Variants in CDH20 observed in about 807,000 individuals in gnomAD.
CDH20 encodes the protein cadherin 20.
In CDH20, 29 loss-of-function variants were observed where a neutral mutation model predicts 74.2. The observed-to-expected ratio is 0.39, with a 90% CI of 0.29 to 0.53. The LOEUF is 0.53. CDH20 is among the 20% of genes least tolerant of loss of function. CDH20 has a pLI of 0.69. For synonymous variants in CDH20, 469 were observed against 405.4 expected (o/e 1.16, Z -1.88); for missense variants, 988 against 1,048.3 (o/e 0.94, Z 0.79).
In CDH20 at chr18:61,555,333, G is replaced by GT. The variant is rs534504480; in HGVS notation, c.*639dup. On this transcript the variant is annotated 3_prime_UTR_variant, in exon 12 of 12. Transcript: ENST00000262717. ...GACATTGACTTTATGCTCAAGTTTA[G>GT]TGGCTGAACCAAGAGATGTTGGCAT... The GT allele has an allele frequency of 5.0e-4, 488 of 985,586 alleles. No individual in the cohort carries two copies. Among genetic ancestry groups the GT allele is most frequent in the Middle Eastern group, 2.6e-3 (5 of 1,912 alleles). 61.1% of individuals were successfully genotyped at this position (985,586 alleles called of 1,614,324 possible). A position where few individuals can be genotyped will look rare whatever the true frequency, so the allele number is the denominator to read the frequency against.
chr18:61,448,326 T>C (rs191727982), intron 1 of CDH20, among the ~76,000 whole-genome samples: 1 of 152,300 alleles, frequency 6.6e-6, no homozygotes, highest in African/African-American at 2.4e-5. Context: ...GCTTTCCCCA[T>C]CTATTAGATA....
At chr18:61,524,343 C>T (rs193209292) in intron 6 of CDH20, among the ~76,000 whole-genome samples, 18 of 152,250 alleles carry the variant, frequency 1.2e-4, no homozygotes, top group Admixed American at 1.2e-3. Flanking sequence ...TCATATACTC[C>T]TGGTGGGAAT....
At chr18:61,531,746 C>T (rs897344890) in intron 7 of CDH20, among the ~76,000 whole-genome samples, 2 of 152,096 alleles carry the variant, frequency 1.3e-5, no homozygotes, top group African/African-American at 4.8e-5. Flanking sequence ...GGGGTGGTTT[C>T]CCCCATGCTG....
At chr18:61,550,715 C>A (rs1038569249) in intron 11 of CDH20, among the ~76,000 whole-genome samples, 1 of 152,178 alleles carries the variant, frequency 6.6e-6, no homozygotes, top group African/African-American at 2.4e-5. Flanking sequence ...ACACTGGGCA[C>A]CCCTGTGGCT....
intron 1 of CDH20, among the ~76,000 whole-genome samples, chr18:61,440,733 T>G (rs554146813): frequency 1.3e-5 from 2 of 152,130 alleles, no homozygotes; most frequent in Non-Finnish European, 2.9e-5. Context: ...CCACATGGTC[T>G]CTCCCCTTCA....
chr18:61,382,801 T>G (rs959183547), intron 1 of CDH20, among the ~76,000 whole-genome samples: 1 of 152,204 alleles, frequency 6.6e-6, no homozygotes, highest in African/African-American at 2.4e-5. Flanking sequence ...GGAGACATGT[T>G]AACATACAGA....
At chr18:61,494,084 C>T (rs888573765) in intron 2 of CDH20, among the ~76,000 whole-genome samples, 1 of 152,184 alleles carries the variant, frequency 6.6e-6, no homozygotes, top group Non-Finnish European at 1.5e-5. Flanking sequence ...GTGAGTATAA[C>T]ACAGGGAGCT....
chr18:61,454,260 A>G (rs1599096285), intron 1 of CDH20, among the ~76,000 whole-genome samples: 2 of 152,070 alleles, frequency 1.3e-5, no homozygotes, highest in African/African-American at 4.8e-5. Flanking sequence ...TAGCTTATGT[A>G]TCTTATTTTG....
chr18:61,428,369 T>A (rs765079774), intron 1 of CDH20, among the ~76,000 whole-genome samples: 2 of 152,186 alleles, frequency 1.3e-5, no homozygotes, highest in Non-Finnish European at 2.9e-5. Context: ...GTGTGCTCCA[T>A]AATGAATGTT....
At chr18:61,500,278 A>G (rs1198973581) in intron 3 of CDH20, 105 bp from the exon 4 acceptor site, 1 of 1,220,388 alleles carries the variant, frequency 8.2e-7, no homozygotes. Flanking sequence ...GGACTCTCCC[A>G]ATGAAGCAAA....
At chr18:61,344,373 A>T (rs1007084512) in intron 1 of CDH20, among the ~76,000 whole-genome samples, 1 of 152,170 alleles carries the variant, frequency 6.6e-6, no homozygotes, top group Non-Finnish European at 1.5e-5. Flanking sequence ...AGATCACATA[A>T]CTAGTTATTC....
chr18:61,479,095 A>G (rs1910497030), intron 1 of CDH20, among the ~76,000 whole-genome samples: 1 of 152,076 alleles, frequency 6.6e-6, no homozygotes, highest in South Asian at 2.1e-4. Flanking sequence ...TCTTCACTAC[A>G]TCTATTTCAA....
At chr18:61,524,423 A>G (rs1819564913) in intron 6 of CDH20, among the ~76,000 whole-genome samples, 1 of 152,240 alleles carries the variant, frequency 6.6e-6, no homozygotes, top group South Asian at 2.1e-4. Context: ...TATTTACTAT[A>G]CAATCCCACA....
At chr18:61,404,313 T>G (rs1311463931) in intron 1 of CDH20, among the ~76,000 whole-genome samples, 1 of 152,144 alleles carries the variant, frequency 6.6e-6, no homozygotes, top group Non-Finnish European at 1.5e-5. Flanking sequence ...AAAAACATGG[T>G]TTATTACTTA....
intron 1 of CDH20, among the ~76,000 whole-genome samples, chr18:61,445,514 A>G (rs1229551573): frequency 1.3e-5 from 2 of 152,172 alleles, no homozygotes; most frequent in African/African-American, 2.4e-5. Context: ...ACAATCCCAC[A>G]AGGTCCCATT....
At chr18:61,423,315 T>G (rs960326059) in intron 1 of CDH20, among the ~76,000 whole-genome samples, 3 of 152,126 alleles carry the variant, frequency 2.0e-5, no homozygotes, top group African/African-American at 7.2e-5. Context: ...GAGCACTCAG[T>G]GTTATAGAGA....
chr18:61,520,816 A>C (rs1185696477), intron 6 of CDH20, among the ~76,000 whole-genome samples: 1 of 151,286 alleles, frequency 6.6e-6, no homozygotes, highest in Non-Finnish European at 1.5e-5. Flanking sequence ...ATGGAAACTA[A>C]ATAACCTGCT....
rs761189584 is a variant in CDH20 at position 61,527,880 on chromosome 18, A to C, written c.1018-87A>C. The C allele has an allele frequency of 1.2e-4, 150 of 1,264,912 alleles. 1 individual carries two copies. The highest frequency in any genetic ancestry group is 1.6e-4 in the Non-Finnish European group (142 of 882,152). 78.4% of individuals were successfully genotyped at this position (1,264,912 alleles called of 1,614,324 possible). On this transcript the variant is annotated intron_variant, in intron 6 of 11. Transcript: ENST00000262717. ...GAATTGGAGAATCTTCCCACCAGCCATCAATATTGGGCATCCTTTTGAACG... is the reference window on the plus strand; with the variant it reads ...GAATTGGAGAATCTTCCCACCAGCCCTCAATATTGGGCATCCTTTTGAACG...
At chr18:61,438,960 G>A (rs1908932272) in intron 1 of CDH20, among the ~76,000 whole-genome samples, 1 of 152,094 alleles carries the variant, frequency 6.6e-6, no homozygotes, top group Non-Finnish European at 1.5e-5. Flanking sequence ...CAGCAATATG[G>A]ATGCAGCTGG....
Sources: gnomAD v4.1 joint callset for allele counts (sites outside exome capture counted in the v4.1 genomes callset) on GRCh38, gnomAD v4.1.1 for gene constraint, MANE v1.5 for transcripts, NCBI Gene and HGNC (gene_info 2026-07-23, HGNC 2026-07-21) for gene names.